The following TNS4 variants were observed in gnomAD, a reference collection of about 807,000 sequenced individuals.
TNS4 encodes tensin 4.
Under a neutral mutation model 70.4 loss-of-function variants are expected in TNS4, and 46 were observed. That is an observed-to-expected ratio of 0.65 (90% CI 0.52 to 0.84). The LOEUF (loss-of-function observed/expected upper bound fraction) is 0.84, where lower values mean the gene tolerates loss of function less well. Among genes scored for constraint, TNS4 ranks in the 40% least tolerant of loss-of-function variants. TNS4 has a pLI of 0.00. For missense variants in TNS4, 863 were observed against 907.0 expected (o/e 0.95, Z 0.62); for synonymous variants, 390 against 366.6 (o/e 1.06, Z -0.73).
intron 6 of TNS4, 41 bp from the exon 7 acceptor site, chr17:40,482,457 C>A (rs1055102422): frequency 6.2e-7 from 1 of 1,605,180 alleles, no homozygotes; most frequent in Non-Finnish European, 8.5e-7. Context: ...AGAATTCCAC[C>A]TTGTGGCCGG....
intron 6 of TNS4, among the ~76,000 whole-genome samples, 167 bp downstream of exon 6, chr17:40,484,317 G>A (rs968991127): frequency 1.3e-5 from 2 of 152,156 alleles, no homozygotes; most frequent in African/African-American, 4.8e-5. Context: ...AGGGTGCCTT[G>A]GGGCTGGAGG....
intron 4 of TNS4, among the ~76,000 whole-genome samples, 161 bp from the exon 5 acceptor site, chr17:40,485,168 G>A (rs1192540369): frequency 6.6e-6 from 1 of 152,162 alleles, no homozygotes; most frequent in East Asian, 1.9e-4. Flanking sequence ...AACTGCCTAC[G>A]ATGAGGGAAA....
At chr17:40,497,280 G>A (rs543211246) in intron 1 of TNS4, among the ~76,000 whole-genome samples, 71 of 152,288 alleles carry the variant, frequency 4.7e-4, no homozygotes, top group African/African-American at 1.7e-3. Context: ...AAGTTGAGTA[G>A]GGATGAGGAG....
intron 4 of TNS4, 87 bp downstream of exon 4, chr17:40,486,949 T>C (rs981545437): frequency 6.6e-7 from 1 of 1,511,778 alleles, no homozygotes; most frequent in African/African-American, 1.4e-5. Flanking sequence ...GCTCAATAAA[T>C]GTGTTGACTG....
At chr17:40,499,505 G>A (rs1027045049) in intron 1 of TNS4, among the ~76,000 whole-genome samples, 2 of 152,244 alleles carry the variant, frequency 1.3e-5, no homozygotes, top group Non-Finnish European at 1.5e-5. Context: ...GATCTAGAGA[G>A]GGGGCATGAT....
Position 40,501,533 on chromosome 17 carries a change from C to T in TNS4, c.-96+1G>A, listed in dbSNP as rs1567816923. On this transcript the variant is annotated splice_donor_variant, in intron 1 of 12. Coordinates refer to ENST00000254051, the MANE Select transcript of TNS4 (RefSeq NM_032865.6). LOFTEE classifies it low-confidence loss of function (5UTR_SPLICE). ...TCTTCTTAAAGAATAAAGGCACCTA[C>T]CTGGTGTCCACAGGTGGGCAGACTG... 2 of 152,080 alleles carry T rather than the reference C, an allele frequency of 1.3e-5. No homozygotes were observed. Among genetic ancestry groups the T allele is most frequent in the Non-Finnish European group, 2.9e-5 (2 of 68,042 alleles). 9.4% of individuals were successfully genotyped at this position (152,080 alleles called of 1,614,324 possible). A position where few individuals can be genotyped will look rare whatever the true frequency, so the allele number is the denominator to read the frequency against.
At position 40,488,793 on chromosome 17, in the gene TNS4, TC is replaced by T; in HGVS notation, c.615del (p.Asn206ThrfsTer135). The T allele has an allele frequency of 6.2e-7, 1 of 1,611,756 alleles. No individual in the cohort carries two copies. The highest frequency in any genetic ancestry group is 8.5e-7 in the Non-Finnish European group (1 of 1,179,526). ...RSSSESLIFSGNQGRGHQRPL... is the reference protein window; with the variant it reads ...RSSSESLIFSXNQGRGHQRPL... ...GGGCGCTGGTGCCCCCTGCCCTGGT[TC>T]CCAGAGAAGATGAGGCTCTCACTGC... On this transcript the variant is annotated frameshift_variant, in exon 3 of 13. Coordinates refer to ENST00000254051, the MANE Select transcript of TNS4 (RefSeq NM_032865.6). LOFTEE classifies it high-confidence loss of function.
intron 3 of TNS4, 109 bp downstream of exon 3, chr17:40,488,437 T>C: frequency 1.9e-6 from 2 of 1,070,664 alleles, no homozygotes; most frequent in Non-Finnish European, 2.5e-6. Context: ...TTTTGGTGCA[T>C]GCCCAGATTT....
At chr17:40,491,962 C>T (rs759845823) in intron 2 of TNS4, among the ~76,000 whole-genome samples, 7 of 151,596 alleles carry the variant, frequency 4.6e-5, no homozygotes, top group Non-Finnish European at 7.4e-5. Context: ...AGATGGGGTG[C>T]GGGGTGTTGG....
chr17:40,497,307 A>G (rs1309136298), intron 1 of TNS4, among the ~76,000 whole-genome samples: 2 of 152,142 alleles, frequency 1.3e-5, no homozygotes, highest in African/African-American at 4.8e-5. Context: ...AGGAAGATTT[A>G]AGTTAGAGGG....
At chr17:40,494,129 C>T (rs2143823890) in intron 2 of TNS4, among the ~76,000 whole-genome samples, 1 of 152,352 alleles carries the variant, frequency 6.6e-6, no homozygotes, top group East Asian at 1.9e-4. Flanking sequence ...GGGCTGGCCT[C>T]CACCTCAGAG....
At chr17:40,478,885 C>A (rs922446895) in intron 10 of TNS4, among the ~76,000 whole-genome samples, 1 of 152,182 alleles carries the variant, frequency 6.6e-6, no homozygotes, top group Non-Finnish European at 1.5e-5. Flanking sequence ...TTCTATCACA[C>A]CCCTACCACG....
rs746224544 is a variant in TNS4, at chr17:40,482,416, C to T, written c.1502G>A (p.Gly501Asp). The T allele has an allele frequency of 1.9e-6, 3 of 1,613,328 alleles. No individual in the cohort carries two copies. The highest frequency in any genetic ancestry group is 4.5e-5 in the East Asian group (2 of 44,898). ...EVPASAQSRP[G>D]EDSNDLIRHF... ...TCGGATGAGGTCATTGCTGTCCTCA[C>T]CTGGACAGAGAAGAAAGAGTGCATT... The change falls in exon 7 of 13, where the codon GGT (glycine) becomes GAT (aspartate). Residue 501 changes from glycine to aspartate, a missense_variant and splice_region_variant. Coordinates refer to ENST00000254051, the MANE Select transcript of TNS4 (RefSeq NM_032865.6).
intron 2 of TNS4, among the ~76,000 whole-genome samples, chr17:40,495,651 T>C (rs2036132082): frequency 1.3e-5 from 2 of 152,070 alleles, no homozygotes. Context: ...CCTAGGACAG[T>C]GGGGGTCAGG....
chr17:40,499,586 C>T (rs946042252), intron 1 of TNS4, among the ~76,000 whole-genome samples: 4 of 152,348 alleles, frequency 2.6e-5, no homozygotes, highest in Admixed American at 6.5e-5. Context: ...CCCCAACGCC[C>T]GTGGCTCCGG....
At chr17:40,478,269 C>T in intron 12 of TNS4, 38 bp downstream of exon 12, 2 of 1,613,804 alleles carry the variant, frequency 1.2e-6, no homozygotes, top group Non-Finnish European at 8.5e-7. Flanking sequence ...GTTCCCTCCC[C>T]ATGTTGGGTT....
chr17:40,484,504 G>A lies in TNS4; in HGVS notation c.1481C>T (p.Ala494Val), dbSNP rs374459159. 2.9e-5 allele frequency: 46 copies of A among 1,611,628 alleles called. No individual in the cohort carries two copies. In the African/African-American group the frequency reaches 3.2e-4, roughly 11 times the overall value. Residue 494 changes from alanine (A) to valine (V), a missense_variant, in exon 6 of 13, where the codon GCG becomes GTG. Physicochemically the swap from Ala to Val is moderately conservative, Grantham distance 64. Coordinates refer to ENST00000254051, the MANE Select transcript of TNS4 (RefSeq NM_032865.6). ...GLALKVQEVP[A>V]SAQSRPGEDS... ...CATACCTGGTCGACTCTGAGCAGAC[G>A]CGGGAACCTCCTGCACCTTCAGGGC... is the stretch of plus-strand genomic sequence containing the variant.
intron 1 of TNS4, among the ~76,000 whole-genome samples, chr17:40,497,823 G>A (rs2036165323): frequency 6.6e-6 from 1 of 152,196 alleles, no homozygotes; most frequent in Admixed American, 6.5e-5. Flanking sequence ...CAACAGGGAG[G>A]CTCTGAAAAG....
chr17:40,481,385 C>G (rs1346290512), intron 8 of TNS4, among the ~76,000 whole-genome samples: 2 of 152,048 alleles, frequency 1.3e-5, no homozygotes, highest in Non-Finnish European at 2.9e-5. Flanking sequence ...TAGATGAAGT[C>G]TTGCTCTGTC....
Sources: allele counts gnomAD v4.1 joint callset (sites outside exome capture counted in the v4.1 genomes callset), GRCh38; gene constraint gnomAD v4.1.1; transcripts MANE v1.5; gene names NCBI Gene and HGNC (gene_info 2026-07-23, HGNC 2026-07-21).